The following TRAK1 variants were observed in gnomAD, a reference collection of about 807,000 sequenced individuals.
TRAK1 encodes the protein trafficking kinesin-binding protein 1.
Under a neutral mutation model 92.1 loss-of-function variants are expected in TRAK1, and 33 were observed. The ratio of observed to expected loss-of-function variants is 0.36; its 90% CI spans 0.27 to 0.48. The LOEUF (loss-of-function observed/expected upper bound fraction) is 0.48, where lower values mean the gene tolerates loss of function less well. Among genes scored for constraint, TRAK1 ranks in the 20% least tolerant of loss-of-function variants. TRAK1 has a pLI of 0.99. For missense variants in TRAK1, 1,123 were observed against 1,257.9 expected (o/e 0.89, Z 1.62); for synonymous variants, 521 against 517.3 (o/e 1.01, Z -0.10).
intron 2 of TRAK1, among the ~76,000 whole-genome samples, chr3:42,167,167 C>T (rs1701979320): frequency 6.6e-6 from 1 of 152,230 alleles, no homozygotes; most frequent in African/African-American, 2.4e-5. Context: ...ATAGACTCAC[C>T]AGGACTCATG....
At chr3:42,024,416 A>G (rs895487979) in intron 1 of TRAK1, among the ~76,000 whole-genome samples, 45 of 152,206 alleles carry the variant, frequency 3.0e-4, no homozygotes, top group Non-Finnish European at 4.1e-4. Flanking sequence ...AGCCTTGTAA[A>G]CATCGCAGTT....
chr3:42,161,469 T>G (rs1211165647), intron 2 of TRAK1, among the ~76,000 whole-genome samples: 1 of 152,040 alleles, frequency 6.6e-6, no homozygotes, highest in Non-Finnish European at 1.5e-5. Flanking sequence ...CTTGACCTTC[T>G]GGGCTCAAGC....
At chr3:42,217,733 A>C (rs1406878363) in intron 14 of TRAK1, 1 of 985,278 alleles carries the variant, frequency 1.0e-6, no homozygotes, top group East Asian at 1.1e-4. Context: ...CTCCTTCCCA[A>C]ATAACCCCTC....
chr3:42,159,292 T>C (rs770973820), intron 2 of TRAK1, among the ~76,000 whole-genome samples: 12 of 152,116 alleles, frequency 7.9e-5, no homozygotes, highest in Admixed American at 1.3e-4. Flanking sequence ...GGAATGAGTG[T>C]CCTGGTGTAG....
chr3:42,019,682 C>T (rs996516463), intron 1 of TRAK1, among the ~76,000 whole-genome samples: 9 of 152,158 alleles, frequency 5.9e-5, no homozygotes, highest in Admixed American at 3.9e-4. Flanking sequence ...TATGATACAA[C>T]CTACTCTAGA....
upstream of TRAK1, among the ~76,000 whole-genome samples, chr3:42,085,095 A>G (rs183814311): frequency 2.5e-3 from 381 of 152,284 alleles, 3 homozygotes; most frequent in Non-Finnish European, 2.5e-3. Context: ...GGAGCATTTC[A>G]GATTTCAGAT....
intron 2 of TRAK1, among the ~76,000 whole-genome samples, chr3:42,157,781 A>T (rs2149285877): frequency 6.6e-6 from 1 of 152,336 alleles, no homozygotes; most frequent in South Asian, 2.1e-4. Flanking sequence ...TTCTTTTGCC[A>T]TAAAGGATGT....
intron 6 of TRAK1, among the ~76,000 whole-genome samples, chr3:42,191,159 T>G (rs776568317): frequency 7.2e-5 from 11 of 152,200 alleles, no homozygotes; most frequent in Non-Finnish European, 1.5e-4. Flanking sequence ...GTGGTTATCC[T>G]TAGGATGCCT....
chr3:42,067,420 T>C (rs1390520328), intron 1 of TRAK1, among the ~76,000 whole-genome samples: 1 of 152,226 alleles, frequency 6.6e-6, no homozygotes, highest in Non-Finnish European at 1.5e-5. Context: ...GAAGTCAAAA[T>C]ATAGTGACAG....
At chr3:42,204,869 A>T (rs1012283925) in intron 13 of TRAK1, among the ~76,000 whole-genome samples, 52 of 152,176 alleles carry the variant, frequency 3.4e-4, no homozygotes, top group Admixed American at 3.3e-3. Flanking sequence ...GGCATGAGTC[A>T]CCACACCTGG....
At chr3:42,041,464 A>G (rs779231555) in intron 1 of TRAK1, among the ~76,000 whole-genome samples, 3 of 152,178 alleles carry the variant, frequency 2.0e-5, no homozygotes, top group Non-Finnish European at 2.9e-5. Flanking sequence ...TTGATCTTAT[A>G]TCTTGCAACC....
intron 1 of TRAK1, among the ~76,000 whole-genome samples, chr3:42,072,399 C>G (rs949815131): frequency 1.4e-5 from 2 of 148,066 alleles, no homozygotes; most frequent in East Asian, 3.9e-4. Flanking sequence ...CCATTGTAAA[C>G]GAAGGAGGAG....
intron 1 of TRAK1, among the ~76,000 whole-genome samples, chr3:42,037,903 G>A (rs1179688488): frequency 6.6e-6 from 1 of 152,190 alleles, no homozygotes; most frequent in Non-Finnish European, 1.5e-5. Context: ...AGTGGAGCCT[G>A]GGAAATCCAT....
intron 1 of TRAK1, among the ~76,000 whole-genome samples, chr3:42,031,911 G>A (rs1446359337): frequency 6.6e-6 from 1 of 152,034 alleles, no homozygotes; most frequent in Non-Finnish European, 1.5e-5. Context: ...TATCACTCTT[G>A]CTCACCTCAA....
chr3:42,151,500 T>C (rs564816111), intron 2 of TRAK1: 1 of 364,552 alleles, frequency 2.7e-6, no homozygotes, highest in Non-Finnish European at 5.4e-6. Flanking sequence ...GCAAAATACT[T>C]GTCCTTTATC....
chr3:42,136,655 A>AATAAATAC, intron 2 of TRAK1, among the ~76,000 whole-genome samples: 1 of 151,734 alleles, frequency 6.6e-6, no homozygotes, highest in Non-Finnish European at 1.5e-5. Flanking sequence ...AAAATAAATA[A>AATAAATAC]ATAAATAAAT....
intron 13 of TRAK1, chr3:42,203,023 T>C: frequency 8.0e-7 from 1 of 1,256,626 alleles, no homozygotes; most frequent in Non-Finnish European, 1.0e-6. Context: ...TCTAGTTCTT[T>C]CCTTTGCCTT....
intron 1 of TRAK1, among the ~76,000 whole-genome samples, chr3:42,093,733 A>G (rs1339907441): frequency 1.0e-5 from 1 of 97,820 alleles, no homozygotes; most frequent in Admixed American, 1.5e-4. Context: ...ACAGAGTCTC[A>G]CTTCTATCAC....
At chr3:42,195,017 C>T in intron 10 of TRAK1, 76 bp downstream of exon 10, 1 of 1,557,116 alleles carries the variant, frequency 6.4e-7, no homozygotes, top group Non-Finnish European at 8.7e-7. Context: ...ACATTCTGGC[C>T]ACTGGAGTTG....
Sources: gnomAD v4.1 joint callset for allele counts (sites outside exome capture counted in the v4.1 genomes callset) on GRCh38, gnomAD v4.1.1 for gene constraint, MANE v1.5 for transcripts, NCBI Gene and HGNC (gene_info 2026-07-23, HGNC 2026-07-21) for gene names.